ATP6V0A4: variants seen among roughly 807,000 people sequenced by gnomAD.
The protein encoded by ATP6V0A4 is ATPase H+ transporting V0 subunit a4, also known as V-type proton ATPase 116 kDa subunit a 4.
A neutral mutation model predicts 107.3 loss-of-function variants in ATP6V0A4; 86 were observed. The ratio of observed to expected loss-of-function variants is 0.80; its 90% CI spans 0.67 to 0.96. ATP6V0A4 has a LOEUF of 0.96. Among genes scored for constraint, ATP6V0A4 ranks in the 40% least tolerant of loss-of-function variants. The pLI is 0.00. For missense variants in ATP6V0A4, 908 were observed against 1,045.6 expected, an observed-to-expected ratio of 0.87 and a Z score of 1.81; for synonymous variants, 353 against 381.4, an observed-to-expected ratio of 0.93 and a Z score of 0.87.
chr7:138,786,925 G>A (rs2130210620), intron 1 of ATP6V0A4, among the ~76,000 whole-genome samples: 1 of 152,094 alleles, frequency 6.6e-6, no homozygotes, highest in Admixed American at 6.5e-5. Flanking sequence ...GAAAAAAAAA[G>A]AATTTAAATG....
intron 19 of ATP6V0A4, among the ~76,000 whole-genome samples, chr7:138,716,574 T>C (rs1388593731): frequency 1.4e-4 from 13 of 94,852 alleles, no homozygotes; most frequent in African/African-American, 4.9e-4. Flanking sequence ...CAATTTTTTT[T>C]TGGGGGGGGG....
intron 20 of ATP6V0A4, among the ~76,000 whole-genome samples, chr7:138,711,675 C>T (rs548781063): frequency 6.6e-6 from 1 of 152,186 alleles, no homozygotes; most frequent in Non-Finnish European, 1.5e-5. Flanking sequence ...GCTTCACCCC[C>T]GTCGGGTTAG....
chr7:138,775,712 G>A (rs1046184450), intron 2 of ATP6V0A4, among the ~76,000 whole-genome samples: 4 of 147,032 alleles, frequency 2.7e-5, no homozygotes, highest in Admixed American at 1.4e-4. Context: ...GTGCAGTGGC[G>A]CGATCTCGGC....
At chr7:138,751,764 G>A (rs1214377637) in intron 11 of ATP6V0A4, among the ~76,000 whole-genome samples, 1 of 151,994 alleles carries the variant, frequency 6.6e-6, no homozygotes, top group African/African-American at 2.4e-5. Flanking sequence ...TACATATTTT[G>A]GCTCTTATTA....
chr7:138,710,963 C>A (rs569658069), intron 20 of ATP6V0A4, among the ~76,000 whole-genome samples: 1 of 152,204 alleles, frequency 6.6e-6, no homozygotes, highest in African/African-American at 2.4e-5. Context: ...CCATATCAAC[C>A]CTATAAATTA....
intron 13 of ATP6V0A4, among the ~76,000 whole-genome samples, chr7:138,745,962 A>AAAAAAAATATATATATATATATAT (rs1554396065): frequency 1.5e-5 from 1 of 65,682 alleles, no homozygotes; most frequent in African/African-American, 6.7e-5. Flanking sequence ...AAAAAAAAAA[A>AAAAAAAATATATATATATATATAT]ATATATATAT....
intron 13 of ATP6V0A4, among the ~76,000 whole-genome samples, chr7:138,745,958 AAAAAAT>A (rs1296745902): frequency 2.2e-5 from 1 of 44,484 alleles, no homozygotes; most frequent in Non-Finnish European, 4.2e-5. Flanking sequence ...AAAAAAAAAA[AAAAAAT>A]ATATATATAT....
intron 21 of ATP6V0A4, among the ~76,000 whole-genome samples, chr7:138,707,507 T>A (rs1339562479): frequency 6.8e-6 from 1 of 146,928 alleles, no homozygotes. Flanking sequence ...GCTCAAGCAA[T>A]TCTCCTGCCT....
At chr7:138,750,132 T>C (rs1375088066) in intron 11 of ATP6V0A4, among the ~76,000 whole-genome samples, 1 of 152,250 alleles carries the variant, frequency 6.6e-6, no homozygotes, top group African/African-American at 2.4e-5. Flanking sequence ...AGTCTTGTGA[T>C]CAAGACTACT....
chr7:138,795,447 C>G (rs1027574086), intron 1 of ATP6V0A4, among the ~76,000 whole-genome samples: 11 of 152,184 alleles, frequency 7.2e-5, no homozygotes, highest in Non-Finnish European at 1.5e-5. Flanking sequence ...ACAATAACCC[C>G]AGGCAGGCCA....
intron 7 of ATP6V0A4, among the ~76,000 whole-genome samples, chr7:138,761,223 T>G (rs1022181665): frequency 3.1e-4 from 47 of 152,252 alleles, no homozygotes; most frequent in African/African-American, 1.1e-3. Context: ...GTCCAGCTAC[T>G]CGCGAGGCAG....
At chr7:138,718,275 T>G (rs1316763457) in intron 19 of ATP6V0A4, among the ~76,000 whole-genome samples, 1 of 28,254 alleles carries the variant, frequency 3.5e-5, no homozygotes, top group Non-Finnish European at 6.0e-5. Context: ...CAGGAAGGAA[T>G]GGCGGTGTGT....
intron 15 of ATP6V0A4, among the ~76,000 whole-genome samples, chr7:138,735,588 C>G (rs12111735): frequency 0.53 from 81,004 of 151,974 alleles, 22,474 homozygotes; most frequent in East Asian, 0.92. Context: ...CACTGAGGAG[C>G]CGGCTGCTGG....
intron 20 of ATP6V0A4, among the ~76,000 whole-genome samples, chr7:138,712,886 G>A (rs1803817993): frequency 6.6e-6 from 1 of 152,094 alleles, no homozygotes; most frequent in Non-Finnish European, 1.5e-5. Context: ...TAGAGCTGAA[G>A]ACCAACATTA....
rs1403231996 is a variant in ATP6V0A4 at position 138,763,966 on chromosome 7, C to CAA, written c.292-943_292-942dup. On this transcript the variant is annotated intron_variant, in intron 5 of 21. Transcript: ENST00000310018. The stretch of plus-strand genomic sequence containing the variant: ...CAAAGCTTTTTTTCAGACTCTGTCT[C>CAA]AAAAAAAAAATATATATATATATAT... Among the ~76,000 whole-genome samples, 88 of 128,170 alleles carry CAA rather than the reference C, an allele frequency of 6.9e-4. 1 individual carries two copies. Among genetic ancestry groups the CAA allele is most frequent in the South Asian group, 4.4e-3 (17 of 3,830 alleles). 84.1% of individuals were successfully genotyped at this position (128,170 alleles called of 152,430 possible).
intron 13 of ATP6V0A4, among the ~76,000 whole-genome samples, chr7:138,746,029 T>C (rs1479923419): frequency 7.1e-6 from 1 of 141,430 alleles, no homozygotes; most frequent in Non-Finnish European, 1.5e-5. Flanking sequence ...ACATAATATA[T>C]ATTTATAATA....
In ATP6V0A4 at chr7:138,722,054, C is replaced by T. The variant is rs111972675; in HGVS notation, c.2011-29G>A. 4.1e-4 allele frequency: 668 copies of T among 1,613,696 alleles called. 3 individuals carry two copies. The African/African-American group carries it at 7.4e-3, about 18-fold the overall frequency. ...ACAACAAGCAGGGAAATGAGGAATG[C>T]GCTCAACTCACCCTGAGAATTCTAA... is the stretch of plus-strand genomic sequence containing the variant. On this transcript the variant is annotated intron_variant, in intron 18 of 21. Transcript: ENST00000310018.
chr7:138,755,900 A>T (rs3857870), intron 9 of ATP6V0A4, 118 bp from the exon 10 acceptor site: 8 of 1,526,748 alleles, frequency 5.2e-6, no homozygotes, highest in Non-Finnish European at 7.0e-6. Context: ...CTATCCTAGA[A>T]TAACTGCGTC....
At chr7:138,771,021 C>T (rs537079950) in intron 3 of ATP6V0A4, 110 bp downstream of exon 3, 32 of 1,104,824 alleles carry the variant, frequency 2.9e-5, no homozygotes, top group South Asian at 2.2e-4. Flanking sequence ...TTCCAGCTCA[C>T]GGCTCCTCTC....
Sources: gnomAD v4.1 joint callset for allele counts (sites outside exome capture counted in the v4.1 genomes callset) on GRCh38, gnomAD v4.1.1 for gene constraint, MANE v1.5 for transcripts, NCBI Gene and HGNC (gene_info 2026-07-23, HGNC 2026-07-21) for gene names.